The following ULK4 variants were observed in gnomAD, a reference collection of about 807,000 sequenced individuals.
ULK4 encodes the protein unc-51 like kinase 4.
Under a neutral mutation model 160.6 loss-of-function variants are expected in ULK4, and 133 were observed. That is an observed-to-expected ratio of 0.83 (90% CI 0.72 to 0.96). ULK4 has a LOEUF of 0.96. Among genes scored for constraint, ULK4 ranks in the 40% least tolerant of loss-of-function variants. The pLI, the probability that ULK4 is intolerant of heterozygous loss-of-function variation, is 0.00. For missense variants in ULK4, 1,580 were observed against 1,499.5 expected (o/e 1.05, Z -0.89); for synonymous variants, 534 against 539.8 (o/e 0.99, Z 0.15).
intron 21 of ULK4, among the ~76,000 whole-genome samples, chr3:41,771,150 C>T (rs868849787): frequency 2.2e-4 from 34 of 152,140 alleles, no homozygotes; most frequent in South Asian, 4.1e-4. Context: ...TACTCCCTTG[C>T]GTGCCTAAAT....
At chr3:41,803,356 A>G (rs965833412) in intron 19 of ULK4, among the ~76,000 whole-genome samples, 1 of 152,166 alleles carries the variant, frequency 6.6e-6, no homozygotes, top group Non-Finnish European at 1.5e-5. Flanking sequence ...GCCGTAAAAA[A>G]TATCTTAGCA....
intron 27 of ULK4, among the ~76,000 whole-genome samples, chr3:41,685,089 T>G (rs2036055518): frequency 6.6e-6 from 1 of 152,226 alleles, no homozygotes; most frequent in Admixed American, 6.5e-5. Context: ...GGTTTTATAT[T>G]TGTGTGACCT....
chr3:41,727,764 T>C (rs1220552233), intron 22 of ULK4, among the ~76,000 whole-genome samples: 1 of 152,068 alleles, frequency 6.6e-6, no homozygotes, highest in Non-Finnish European at 1.5e-5. Flanking sequence ...CTGGATCCTG[T>C]GAGGAAGACA....
intron 27 of ULK4, among the ~76,000 whole-genome samples, chr3:41,701,088 G>GA (rs1022189720): frequency 5.9e-5 from 9 of 151,812 alleles, no homozygotes; most frequent in Non-Finnish European, 1.0e-4. Flanking sequence ...GTAAGAATTA[G>GA]AAAAAAATGA....
At chr3:41,345,976 G>A (rs2080790553) in intron 35 of ULK4, among the ~76,000 whole-genome samples, 1 of 151,948 alleles carries the variant, frequency 6.6e-6, no homozygotes, top group Admixed American at 6.6e-5. Context: ...TCTAGGTAGA[G>A]GGAAGAGCCC....
At chr3:41,666,160 T>C (rs2035345150) in intron 29 of ULK4, among the ~76,000 whole-genome samples, 2 of 152,122 alleles carry the variant, frequency 1.3e-5, no homozygotes, top group African/African-American at 2.4e-5. Context: ...TTATTGGAGG[T>C]TGGTCATGTA....
chr3:41,719,722 T>C (rs900711264), intron 22 of ULK4, among the ~76,000 whole-genome samples: 3 of 152,212 alleles, frequency 2.0e-5, no homozygotes, highest in African/African-American at 7.2e-5. Context: ...GTCCATCTGC[T>C]TCTACTCTGC....
intron 22 of ULK4, among the ~76,000 whole-genome samples, chr3:41,721,915 T>C (rs770134182): frequency 3.3e-5 from 5 of 152,158 alleles, no homozygotes; most frequent in Admixed American, 6.5e-5. Flanking sequence ...TTGTGTCCAT[T>C]ACAATTCCTA....
intron 1 of ULK4, among the ~76,000 whole-genome samples, chr3:41,959,699 G>A (rs1450432496): frequency 6.6e-6 from 1 of 151,998 alleles, no homozygotes; most frequent in Non-Finnish European, 1.5e-5. Context: ...AACGCTTTCG[G>A]AGGTGGAGGC....
At chr3:41,610,440 G>A (rs977577618) in intron 31 of ULK4, among the ~76,000 whole-genome samples, 12 of 152,006 alleles carry the variant, frequency 7.9e-5, no homozygotes, top group East Asian at 5.8e-4. Flanking sequence ...TCTTTTTAAC[G>A]TACTCTAAGA....
intron 35 of ULK4, among the ~76,000 whole-genome samples, chr3:41,365,607 CATT>C (rs1196620505): frequency 6.6e-6 from 1 of 152,102 alleles, no homozygotes; most frequent in Non-Finnish European, 1.5e-5. Context: ...GTAGAAATAT[CATT>C]ATGTCTAGTT....
intron 30 of ULK4, among the ~76,000 whole-genome samples, chr3:41,623,135 A>T (rs191200708): frequency 7.9e-5 from 12 of 152,338 alleles, no homozygotes; most frequent in Admixed American, 7.8e-4. Flanking sequence ...AACATGTTAC[A>T]TATGTTGTAG....
intron 22 of ULK4, among the ~76,000 whole-genome samples, chr3:41,748,781 G>C (rs767703802): frequency 7.9e-5 from 12 of 152,042 alleles, no homozygotes; most frequent in Non-Finnish European, 1.5e-4. Flanking sequence ...CCCTTTCTTA[G>C]ACAAAAAGGT....
chr3:41,423,525 A>T (rs2082706332), intron 34 of ULK4, among the ~76,000 whole-genome samples: 1 of 152,132 alleles, frequency 6.6e-6, no homozygotes, highest in Admixed American at 6.5e-5. Context: ...AATGAGGAAT[A>T]AAGAAACTTG....
intron 32 of ULK4, among the ~76,000 whole-genome samples, chr3:41,481,389 G>A (rs1223940702): frequency 6.6e-6 from 1 of 152,186 alleles, no homozygotes; most frequent in Admixed American, 6.5e-5. Flanking sequence ...CTTGAATAGG[G>A]TAAGGCTGAA....
chr3:41,329,848 G>C (rs2080408850), intron 35 of ULK4, among the ~76,000 whole-genome samples: 1 of 151,850 alleles, frequency 6.6e-6, no homozygotes, highest in Non-Finnish European at 1.5e-5. Context: ...CATAAGAAAG[G>C]GTATTTATTA....
chr3:41,928,779 T>C lies in ULK4; in HGVS notation c.541+3065A>G, dbSNP rs13070967. ...TCCTGGACATATACATGCTCCCAAG[T>C]CTAAACCAGGAAGAAGTCAAATCCC... On this transcript the variant is annotated intron_variant, in intron 5 of 36. Transcript: ENST00000301831. Among the ~76,000 whole-genome samples the C allele has an allele frequency of 8.5e-3, 1,291 of 151,922 alleles. 17 individuals are homozygous for C. The highest frequency in any genetic ancestry group is 0.03 in the African/African-American group (1,242 of 41,456).
chr3:41,730,774 T>C (rs2037795554), intron 22 of ULK4, among the ~76,000 whole-genome samples: 1 of 152,176 alleles, frequency 6.6e-6, no homozygotes, highest in Non-Finnish European at 1.5e-5. Context: ...GGTATCACTT[T>C]AATCTGAAAA....
intron 19 of ULK4, among the ~76,000 whole-genome samples, chr3:41,807,775 A>T (rs1415856795): frequency 6.6e-6 from 1 of 152,186 alleles, no homozygotes; most frequent in Non-Finnish European, 1.5e-5. Flanking sequence ...CATTTCTCAG[A>T]ATGGCTATCT....
Sources: allele counts gnomAD v4.1 joint callset (sites outside exome capture counted in the v4.1 genomes callset), GRCh38; gene constraint gnomAD v4.1.1; transcripts MANE v1.5; gene names NCBI Gene and HGNC (gene_info 2026-07-23, HGNC 2026-07-21).